Variants in ITSN1 observed in about 807,000 individuals in gnomAD.
The protein encoded by ITSN1 is intersectin-1.
A neutral mutation model predicts 239.8 loss-of-function variants in ITSN1; 58 were observed. The observed-to-expected ratio is 0.24, with a 90% CI of 0.20 to 0.30. ITSN1 has a LOEUF of 0.30. ITSN1 is among the 10% of genes least tolerant of loss of function. The pLI is 1.00. For missense variants in ITSN1, 1,558 were observed against 2,103.3 expected (o/e 0.74, Z 5.07); for synonymous variants, 780 against 770.8 (o/e 1.01, Z -0.20).
In ITSN1 at chr21:33,742,334, C is replaced by T. The variant is rs181699472; in HGVS notation, c.346+7130C>T. 1.3e-3 allele frequency among the ~76,000 whole-genome samples: 201 copies of T among 152,266 alleles called. 1 individual carries two copies. Among genetic ancestry groups the T allele is most frequent in the African/African-American group, 4.6e-3 (193 of 41,544 alleles). On this transcript the variant is annotated intron_variant, in intron 5 of 39. Coordinates refer to ENST00000381318, the MANE Select transcript of ITSN1 (RefSeq NM_003024.3). ...CCTCCCAAAGTGCTGGGATTACAGG[C>T]GTGAGCCACCGCGCCTGGCCCTATT...
chr21:33,888,412 A>G lies in ITSN1; in HGVS notation c.*112A>G. On this transcript the variant is annotated 3_prime_UTR_variant, in exon 40 of 40. Coordinates refer to ENST00000381318, the MANE Select transcript of ITSN1 (RefSeq NM_003024.3). ...CCATTTGGTATTCAGTCACAGGGAT[A>G]TGGGATGGCAAAGACAGGCCCCTCA... 2 of 1,130,278 alleles carry G rather than the reference A, an allele frequency of 1.8e-6. No individual in the cohort carries two copies. The highest frequency in any genetic ancestry group is 1.2e-6 in the Non-Finnish European group (1 of 809,256). 70.0% of individuals were successfully genotyped at this position (1,130,278 alleles called of 1,614,324 possible). A position where few individuals can be genotyped will look rare whatever the true frequency, so the allele number is the denominator to read the frequency against.
At position 33,882,239 on chromosome 21, in the gene ITSN1, T is replaced by C. The variant is rs780186118; in HGVS notation, c.4342-4T>C. ...ACACTTTGGGTTTTGTTTTCCTTTC[T>C]CAGCAACTTGTGTTCAATTCAGTGA... On this transcript the variant is annotated splice_region_variant and splice_polypyrimidine_tract_variant and intron_variant, in intron 34 of 39. Transcript: ENST00000381318. The surrounding 1 kb of genome is among the most constrained non-coding windows in gnomAD (Gnocchi z 4.5). 7 of 1,611,526 alleles carry C rather than the reference T, an allele frequency of 4.3e-6. No individual in the cohort carries two copies. The highest frequency in any genetic ancestry group is 1.1e-5 in the South Asian group (1 of 90,406).
intron 1 of ITSN1, among the ~76,000 whole-genome samples, chr21:33,693,375 G>A (rs1035612707): frequency 2.6e-5 from 4 of 151,368 alleles, no homozygotes; most frequent in African/African-American, 7.3e-5. Flanking sequence ...GGGGGGTGGG[G>A]GATGGAGTTT....
intron 10 of ITSN1, among the ~76,000 whole-genome samples, chr21:33,766,375 C>T (rs1196808156): frequency 1.3e-5 from 2 of 152,168 alleles, no homozygotes; most frequent in African/African-American, 4.8e-5. Flanking sequence ...CCACACATTT[C>T]AGTGGTAACA....
At chr21:33,831,451 A>G (rs555224144) in intron 27 of ITSN1, among the ~76,000 whole-genome samples, 3 of 152,122 alleles carry the variant, frequency 2.0e-5, no homozygotes, top group Non-Finnish European at 4.4e-5. Context: ...GACTTACCCA[A>G]TCTGCTGGTA....
At chr21:33,726,565 A>G (rs1291906486) in intron 4 of ITSN1, among the ~76,000 whole-genome samples, 1 of 152,134 alleles carries the variant, frequency 6.6e-6, no homozygotes, top group Non-Finnish European at 1.5e-5. Flanking sequence ...GTGCAGTGGC[A>G]TGATCATAGC....
At chr21:33,867,823 G>A (rs930405685) in intron 33 of ITSN1, among the ~76,000 whole-genome samples, 7 of 151,378 alleles carry the variant, frequency 4.6e-5, no homozygotes, top group East Asian at 1.9e-4. Context: ...TGGTGGGTTC[G>A]TGGTCTCGCT....
intron 1 of ITSN1, among the ~76,000 whole-genome samples, chr21:33,683,025 A>G (rs982467155): frequency 2.0e-5 from 3 of 152,164 alleles, no homozygotes; most frequent in Non-Finnish European, 2.9e-5. Flanking sequence ...TCCTTCAAAT[A>G]TATGAACTAT....
Position 33,836,487 on chromosome 21 carries a change from T to C in ITSN1, c.3516T>C (p.Asp1172=), listed in dbSNP as rs771150882. ...ACGACTACACCGCGCAGAATGACGA[T>C]GAGCTGGCCTTCAACAAGGGCCAGA... ...GMYDYTAQND[D]ELAFNKGQII... Residue 1172 remains aspartate, a synonymous_variant, in exon 29 of 40, where the codon GAT becomes GAC. Coordinates refer to ENST00000381318, the MANE Select transcript of ITSN1 (RefSeq NM_003024.3). 9 of 1,613,898 alleles carry C rather than the reference T, an allele frequency of 5.6e-6. No individual in the cohort carries two copies. Among genetic ancestry groups the C allele is most frequent in the South Asian group, 2.2e-5 (2 of 91,060 alleles).
intron 31 of ITSN1, among the ~76,000 whole-genome samples, chr21:33,863,784 C>A (rs1032493370): frequency 5.9e-5 from 9 of 152,342 alleles, no homozygotes; most frequent in African/African-American, 1.9e-4. Flanking sequence ...GGGCTCTCAT[C>A]CCCCCAAATT....
chr21:33,834,817 G>A (rs926653813), intron 28 of ITSN1, among the ~76,000 whole-genome samples: 3 of 152,098 alleles, frequency 2.0e-5, no homozygotes, highest in East Asian at 1.9e-4. Context: ...ATGGAGCTGG[G>A]GGCCACGGGG....
In ITSN1 at chr21:33,797,430, C is replaced by T. The variant is rs1162239108; in HGVS notation, c.2004C>T (p.Asp668=). 15 of 1,613,678 alleles carry T rather than the reference C, an allele frequency of 9.3e-6. No homozygotes were observed. The highest frequency in any genetic ancestry group is 4.0e-5 in the African/African-American group (3 of 74,792). ...GGCTGGAGCATGTGCAGCAGGAGGA[C>T]GAGCATCAGAGACCAAGAAAACTCC... The part of the protein sequence containing the change: ...KQWLEHVQQE[D]EHQRPRKLHE... The change falls in exon 18 of 40, where the codon GAC becomes GAT. Residue 668 remains aspartate, a synonymous_variant. Coordinates refer to ENST00000381318, the MANE Select transcript of ITSN1 (RefSeq NM_003024.3). The surrounding 1 kb of genome is among the most constrained non-coding windows in gnomAD (Gnocchi z 4.9).
intron 5 of ITSN1, among the ~76,000 whole-genome samples, chr21:33,744,317 G>A (rs1005963775): frequency 1.3e-5 from 2 of 151,970 alleles, no homozygotes; most frequent in Non-Finnish European, 2.9e-5. Flanking sequence ...CTGTATTCTT[G>A]GTGTGGAAGA....
At chr21:33,820,293 C>T (rs1349182816) in intron 24 of ITSN1, among the ~76,000 whole-genome samples, 1 of 152,216 alleles carries the variant, frequency 6.6e-6, no homozygotes. Context: ...ATCTTTTTTA[C>T]ATTCAATACA....
chr21:33,671,563 G>T (rs948487896), intron 1 of ITSN1, among the ~76,000 whole-genome samples: 3 of 151,964 alleles, frequency 2.0e-5, no homozygotes, highest in Admixed American at 6.6e-5. Context: ...GGCCTGTTTT[G>T]TTTTTTTAAG....
chr21:33,803,481 A>T (rs1278432037), intron 20 of ITSN1, among the ~76,000 whole-genome samples: 1 of 152,232 alleles, frequency 6.6e-6, no homozygotes, highest in East Asian at 1.9e-4. Flanking sequence ...AAATACAATG[A>T]AGATTAAAAC....
intron 27 of ITSN1, among the ~76,000 whole-genome samples, chr21:33,830,171 CGTGT>C (rs150326367): frequency 7.2e-5 from 11 of 151,776 alleles, no homozygotes; most frequent in African/African-American, 2.7e-4. Flanking sequence ...TGTGCGCGCA[CGTGT>C]GTGTGTGTGT....
At chr21:33,835,851 A>G (rs1278788731) in intron 28 of ITSN1, among the ~76,000 whole-genome samples, 1 of 152,232 alleles carries the variant, frequency 6.6e-6, no homozygotes, top group African/African-American at 2.4e-5. Context: ...GAATCGGTTG[A>G]ACCCTGGAGG....
intron 5 of ITSN1, among the ~76,000 whole-genome samples, chr21:33,748,032 T>C (rs2067293243): frequency 6.6e-6 from 1 of 152,208 alleles, no homozygotes; most frequent in Non-Finnish European, 1.5e-5. Context: ...TTATAACATA[T>C]TATAATGTAT....
Sources: allele counts gnomAD v4.1 joint callset (sites outside exome capture counted in the v4.1 genomes callset), GRCh38; gene constraint gnomAD v4.1.1; non-coding constraint Gnocchi (gnomAD v3.1); transcripts MANE v1.5; gene names NCBI Gene and HGNC (gene_info 2026-07-23, HGNC 2026-07-21).